The following ASB4 variants were observed in gnomAD, a reference collection of about 807,000 sequenced individuals.
The protein encoded by ASB4 is ankyrin repeat and SOCS box containing 4.
A neutral mutation model predicts 38.6 loss-of-function variants in ASB4; 35 were observed. The observed-to-expected ratio is 0.91, with a 90% CI of 0.69 to 1.20. The LOEUF (loss-of-function observed/expected upper bound fraction) is 1.20. ASB4 is among the 50% of genes most tolerant of loss of function. The probability of loss-of-function intolerance (pLI) is 0.00; values close to 1 mark genes in which losing one functional copy is unlikely to be tolerated. For missense variants in ASB4, 557 were observed against 527.2 expected, an observed-to-expected ratio of 1.06 and a Z score of -0.55; for synonymous variants, 195 against 201.3, an observed-to-expected ratio of 0.97 and a Z score of 0.26.
intron 2 of ASB4, among the ~76,000 whole-genome samples, chr7:95,501,502 T>A (rs1379214283): frequency 6.6e-6 from 1 of 152,218 alleles, no homozygotes; most frequent in Admixed American, 6.5e-5. Flanking sequence ...TTCATCTTAA[T>A]CATAAATAAG....
chr7:95,533,828 G>A (rs1247896676), intron 3 of ASB4, among the ~76,000 whole-genome samples: 1 of 152,160 alleles, frequency 6.6e-6, no homozygotes, highest in Non-Finnish European at 1.5e-5. Context: ...ACAGTCCCTT[G>A]CACATAGTAA....
chr7:95,536,990 A>G (rs1361949133), intron 4 of ASB4, among the ~76,000 whole-genome samples: 1 of 152,216 alleles, frequency 6.6e-6, no homozygotes, highest in African/African-American at 2.4e-5. Flanking sequence ...AACCATTGGC[A>G]GAGTCAAGTT....
intron 3 of ASB4, among the ~76,000 whole-genome samples, chr7:95,530,450 G>A (rs1366368994): frequency 6.6e-6 from 1 of 152,170 alleles, no homozygotes. Flanking sequence ...GGGTGACAGA[G>A]CGAGACTCTG....
At position 95,528,002 on chromosome 7, in the gene ASB4, A is replaced by T; in HGVS notation, c.677A>T (p.Glu226Val). Residue 226 changes from glutamate (E) to valine (V), a missense_variant, in exon 3 of 5, where the codon GAG becomes GTG. By Grantham distance (121) the Glu-to-Val change is moderately radical (BLOSUM62 -2). Transcript: ENST00000325885. ...TGGGCCCTCCGCTTTAAGGAGCAGG[A>T]GTACAGCACGGAGCACCACCTGGTC... ...AYWALRFKEQ[E>V]YSTEHHLVCR... 3 of 1,614,138 alleles carry T rather than the reference A, an allele frequency of 1.9e-6. No homozygotes were observed. Among genetic ancestry groups the T allele is most frequent in the Non-Finnish European group, 2.5e-6 (3 of 1,180,034 alleles).
downstream of ASB4, chr7:95,544,531 A>G (rs1305630241): frequency 6.6e-6 from 1 of 152,158 alleles, no homozygotes; most frequent in Non-Finnish European, 1.5e-5. Flanking sequence ...AAATATATGG[A>G]CTTTGGAATT....
chr7:95,527,233 G>C (rs76103523), intron 2 of ASB4, among the ~76,000 whole-genome samples: 2,422 of 152,142 alleles, frequency 0.016, 71 homozygotes, highest in African/African-American at 0.054. Context: ...GGTGGTGGTG[G>C]TGCTGCGTTC....
At chr7:95,488,684 C>T (rs993031768) in intron 1 of ASB4, among the ~76,000 whole-genome samples, 2 of 152,222 alleles carry the variant, frequency 1.3e-5, no homozygotes, top group Non-Finnish European at 2.9e-5. Flanking sequence ...CGCTGTTGAA[C>T]TGCTACACAC....
Position 95,515,167 on chromosome 7 carries a change from CTCTTTCTTTCTTTCTTTCTT to C in ASB4, c.488-12600_488-12581del, listed in dbSNP as rs71127411. 3.3e-3 allele frequency among the ~76,000 whole-genome samples: 297 copies of C among 89,788 alleles called. 2 individuals carry two copies. Among genetic ancestry groups the C allele is most frequent in the African/African-American group, 6.0e-3 (140 of 23,246 alleles). The allele number at this position is 89,788 out of a possible 152,430, so 58.9% of individuals were successfully genotyped here. A position where few individuals can be genotyped will look rare whatever the true frequency, so the allele number is the denominator to read the frequency against. ...TGTTTTTCTTTCTTTCTTTCTCTTTCTCTTTCTTTCTTTCTTTCTTTCTTTCTTTCTTTCTTTCTTTCTTT... is the reference window on the plus strand; with the variant it reads ...TGTTTTTCTTTCTTTCTTTCTCTTTCTCTTTCTTTCTTTCTTTCTTTCTTT... On this transcript the variant is annotated intron_variant, in intron 2 of 4. Transcript: ENST00000325885.
At chr7:95,550,800 A>T in the ASB4 span, among the ~76,000 whole-genome samples, 1 of 152,152 alleles carries the variant, frequency 6.6e-6, no homozygotes, top group Non-Finnish European at 1.5e-5. Context: ...GGCAAAGGTT[A>T]CTTGAAATTC....
chr7:95,485,048 GTATATATGTA>G (rs1051309739), upstream of ASB4, among the ~76,000 whole-genome samples: 2 of 146,552 alleles, frequency 1.4e-5, no homozygotes, highest in African/African-American at 5.0e-5. Context: ...ATATATATGT[GTATATATGTA>G]TATATATGTA....
chr7:95,483,111 A>C (rs895616921), upstream of ASB4, among the ~76,000 whole-genome samples: 2 of 152,016 alleles, frequency 1.3e-5, no homozygotes, highest in Non-Finnish European at 2.9e-5. Flanking sequence ...AGAATCACAC[A>C]CTCTAGTAGC....
At chr7:95,549,605 A>AT in the ASB4 span, among the ~76,000 whole-genome samples, 1 of 152,200 alleles carries the variant, frequency 6.6e-6, no homozygotes, top group Non-Finnish European at 1.5e-5. Context: ...CCGAGACTCC[A>AT]TTTTTAAAAT....
At chr7:95,530,410 A>C (rs1790804457) in intron 3 of ASB4, among the ~76,000 whole-genome samples, 1 of 152,206 alleles carries the variant, frequency 6.6e-6, no homozygotes. Context: ...GGTTGCAGTG[A>C]GCCGAGATTG....
At position 95,486,267 on chromosome 7, in the gene ASB4, C is replaced by T. The variant is rs545600021; in HGVS notation, c.187+109C>T. 3 of 810,622 alleles carry T rather than the reference C, an allele frequency of 3.7e-6. No homozygotes were observed. The East Asian group carries it at 8.4e-5, about 23-fold the overall frequency. The allele number at this position is 810,622 out of a possible 1,614,324, so 50.2% of individuals were successfully genotyped here. On this transcript the variant is annotated intron_variant, in intron 1 of 4. Coordinates refer to ENST00000325885, the MANE Select transcript of ASB4 (RefSeq NM_016116.3). ...AGTTTTTATTGTTTCTTTAAGTATT[C>T]ATTTAAAAAATATTTCTAAATTGAT...
chr7:95,472,579 A>G, the ASB4 span, among the ~76,000 whole-genome samples: 1 of 152,084 alleles, frequency 6.6e-6, no homozygotes, highest in African/African-American at 2.4e-5. Flanking sequence ...GCAATGTAAT[A>G]CTTTTCCTCA....
chr7:95,510,041 T>A (rs1283423502), intron 2 of ASB4, among the ~76,000 whole-genome samples: 3 of 152,112 alleles, frequency 2.0e-5, no homozygotes, highest in Admixed American at 6.5e-5. Context: ...TGACACTTAA[T>A]ATCTAAAAGA....
At chr7:95,540,576 G>C (rs1040517920), downstream of ASB4, among the ~76,000 whole-genome samples, 2 of 152,180 alleles carry the variant, frequency 1.3e-5, no homozygotes, top group African/African-American at 4.8e-5. Flanking sequence ...CCTGGGCAAA[G>C]CAACAGAGGA....
chr7:95,550,992 G>A, the ASB4 span, among the ~76,000 whole-genome samples: 4 of 152,076 alleles, frequency 2.6e-5, no homozygotes, highest in Admixed American at 1.3e-4. Context: ...TCAACCATGC[G>A]TTTTTAAATA....
chr7:95,536,586 T>C, intron 4 of ASB4, 36 bp downstream of exon 4: 1 of 1,476,014 alleles, frequency 6.8e-7, no homozygotes, highest in South Asian at 1.2e-5. Context: ...GTTTTCACTA[T>C]CAAGTACTTC....
Sources: allele counts gnomAD v4.1 joint callset (sites outside exome capture counted in the v4.1 genomes callset), GRCh38; gene constraint gnomAD v4.1.1; transcripts MANE v1.5; gene names NCBI Gene and HGNC (gene_info 2026-07-23, HGNC 2026-07-21).